Variants in SLC6A5 observed in about 807,000 individuals in gnomAD.
SLC6A5 encodes the protein solute carrier family 6 member 5.
SLC6A5 carries 58 observed loss-of-function variants against 90.5 expected under a neutral mutation model. That is an observed-to-expected ratio of 0.64 (90% CI 0.52 to 0.80). The LOEUF (loss-of-function observed/expected upper bound fraction) is 0.80, where lower values mean the gene tolerates loss of function less well. Among genes scored for constraint, SLC6A5 ranks in the 30% least tolerant of loss-of-function variants. The pLI is 0.00. For missense variants in SLC6A5, 1,015 were observed against 1,017.6 expected, an observed-to-expected ratio of 1.00 and a Z score of 0.03; for synonymous variants, 427 against 401.4, an observed-to-expected ratio of 1.06 and a Z score of -0.76.
At chr11:20,614,917 G>A (rs898075980) in intron 6 of SLC6A5, 97 bp downstream of exon 6, 6 of 1,197,872 alleles carry the variant, frequency 5.0e-6, no homozygotes, top group Non-Finnish European at 7.5e-6. Flanking sequence ...GTAGCCCAAG[G>A]GATGAGATCA....
intron 7 of SLC6A5, among the ~76,000 whole-genome samples, chr11:20,621,186 A>G (rs929299929): frequency 1.3e-5 from 2 of 152,220 alleles, no homozygotes; most frequent in African/African-American, 2.4e-5. Flanking sequence ...TTGTGGAGTC[A>G]TCATTTTCAT....
intron 9 of SLC6A5, among the ~76,000 whole-genome samples, chr11:20,628,843 C>T (rs1251547248): frequency 6.6e-6 from 1 of 152,182 alleles, no homozygotes; most frequent in African/African-American, 2.4e-5. Flanking sequence ...TATCCTGGCC[C>T]ACACTATTAA....
chr11:20,641,886 T>C (rs1853321066), intron 13 of SLC6A5, among the ~76,000 whole-genome samples: 2 of 152,110 alleles, frequency 1.3e-5, no homozygotes, highest in African/African-American at 2.4e-5. Flanking sequence ...TCCCTGGCTG[T>C]GAGCCCTTTT....
Position 20,607,471 on chromosome 11 carries a change from T to G in SLC6A5, c.812-8T>G. 1 of 1,614,200 alleles carries G rather than the reference T, an allele frequency of 6.2e-7. No individual in the cohort carries two copies. The highest frequency in any genetic ancestry group is 1.3e-5 in the African/African-American group (1 of 75,056). On this transcript the variant is annotated splice_polypyrimidine_tract_variant and splice_region_variant and intron_variant, in intron 4 of 15. Transcript: ENST00000525748. The stretch of plus-strand genomic sequence containing the variant: ...TGGAATGAACCCCTGGAATTTTTGC[T>G]TCTGCAGGCTGTGGCATCGCGATGC...
rs559567286 is a variant in SLC6A5, at chr11:20,654,923, C to T, written c.*55C>T. ...TCCTGTTTTTCCTCTCTGCCTCCTCCTAATGTTTTCCATAGCTCTCCTCCC... is the reference window on the plus strand; with the variant it reads ...TCCTGTTTTTCCTCTCTGCCTCCTCTTAATGTTTTCCATAGCTCTCCTCCC... On this transcript the variant is annotated 3_prime_UTR_variant, in exon 16 of 16. Coordinates refer to ENST00000525748, the MANE Select transcript of SLC6A5 (RefSeq NM_004211.5). The T allele has an allele frequency of 1.5e-4, 226 of 1,552,566 alleles. No homozygotes were observed. Among genetic ancestry groups the T allele is most frequent in the South Asian group, 6.2e-4 (56 of 89,752 alleles).
intron 9 of SLC6A5, among the ~76,000 whole-genome samples, chr11:20,628,612 G>T (rs1293227015): frequency 6.6e-6 from 1 of 152,172 alleles, no homozygotes; most frequent in East Asian, 1.9e-4. Flanking sequence ...TATGAATTTG[G>T]TAGTGATAGG....
At position 20,604,558 on chromosome 11, in the gene SLC6A5, C is replaced by T; in HGVS notation, c.679+134C>T. On this transcript the variant is annotated intron_variant, in intron 3 of 15. Coordinates refer to ENST00000525748, the MANE Select transcript of SLC6A5 (RefSeq NM_004211.5). ...GCCTCCTTAGGCTCCAGCCCTACACCTCGTAGGCTTGAGTGCATAACCAGA... is the reference window on the plus strand; with the variant it reads ...GCCTCCTTAGGCTCCAGCCCTACACTTCGTAGGCTTGAGTGCATAACCAGA... 4.5e-6 allele frequency: 5 copies of T among 1,107,502 alleles called. 1 individual carries two copies. Among genetic ancestry groups the T allele is most frequent in the Non-Finnish European group, 5.2e-6 (4 of 771,274 alleles). 68.6% of individuals were successfully genotyped at this position (1,107,502 alleles called of 1,614,324 possible).
At chr11:20,643,411 A>G (rs756651207) in intron 13 of SLC6A5, among the ~76,000 whole-genome samples, 4 of 152,132 alleles carry the variant, frequency 2.6e-5, no homozygotes, top group Admixed American at 6.5e-5. Flanking sequence ...AACAAATCCA[A>G]AGATGATTGG....
intron 12 of SLC6A5, 98 bp downstream of exon 12, chr11:20,637,401 C>G: frequency 9.1e-7 from 1 of 1,097,734 alleles, no homozygotes; most frequent in Non-Finnish European, 1.4e-6. Flanking sequence ...ACCTTATAAT[C>G]AAAGGCAAAT....
chr11:20,600,126 A>G (rs1355521015), intron 1 of SLC6A5, among the ~76,000 whole-genome samples: 3 of 152,138 alleles, frequency 2.0e-5, no homozygotes, highest in Non-Finnish European at 4.4e-5. Flanking sequence ...CAGTGTAATA[A>G]TAATTATTGG....
At chr11:20,625,348 G>A (rs1230397735) in intron 7 of SLC6A5, among the ~76,000 whole-genome samples, 2 of 151,550 alleles carry the variant, frequency 1.3e-5, no homozygotes, top group South Asian at 2.1e-4. Flanking sequence ...TGCAACCTCC[G>A]CCTCCTGGGT....
chr11:20,650,635 A>G (rs35903152), intron 14 of SLC6A5, among the ~76,000 whole-genome samples: 3,053 of 142,880 alleles, frequency 0.021, 109 homozygotes, highest in African/African-American at 0.076. Flanking sequence ...ACGGCTCACC[A>G]CTTGGTGATG....
At chr11:20,645,942 T>G (rs187933795) in intron 13 of SLC6A5, among the ~76,000 whole-genome samples, 1 of 152,230 alleles carries the variant, frequency 6.6e-6, no homozygotes, top group East Asian at 1.9e-4. Flanking sequence ...GCCAGAATGA[T>G]GAGTTTTTAA....
chr11:20,658,664 C>T lies in SLC6A5; in HGVS notation c.*3796C>T, dbSNP rs1853665519. ...TGAAATGTGGTCTTTGCTCAGGTCACCTCTGAGCAGCCTGCAGCCAAAGAG... is the reference window on the plus strand; with the variant it reads ...TGAAATGTGGTCTTTGCTCAGGTCATCTCTGAGCAGCCTGCAGCCAAAGAG... On this transcript the variant is annotated 3_prime_UTR_variant, in exon 16 of 16. Transcript: ENST00000525748. 1 of 152,174 alleles carries T rather than the reference C, an allele frequency of 6.6e-6. No individual in the cohort carries two copies. Among genetic ancestry groups the T allele is most frequent in the South Asian group, 2.1e-4 (1 of 4,834 alleles). The allele number at this position is 152,174 out of a possible 1,614,324, so 9.4% of individuals were successfully genotyped here. A position where few individuals can be genotyped will look rare whatever the true frequency, so the allele number is the denominator to read the frequency against.
chr11:20,613,681 C>A (rs1749528077), intron 5 of SLC6A5, among the ~76,000 whole-genome samples: 6 of 22,982 alleles, frequency 2.6e-4, no homozygotes, highest in Non-Finnish European at 4.8e-4. Context: ...TTTTAAGAGA[C>A]AGGGTCTTGC....
In SLC6A5 at chr11:20,601,608, G is replaced by A; in HGVS notation, c.483G>A (p.Leu161=). ...ACATGAGCCAGAGCACCGTGGTGCT[G>A]GCCACGGATGGAATCACGTCCGTGC... ...WVNMSQSTVV[L]ATDGITSVLP... Residue 161 remains leucine (L), a synonymous_variant, in exon 2 of 16, where the codon CTG becomes CTA. Transcript: ENST00000525748. 1 of 1,614,114 alleles carries A rather than the reference G, an allele frequency of 6.2e-7. No individual in the cohort carries two copies. Among genetic ancestry groups the A allele is most frequent in the Non-Finnish European group, 8.5e-7 (1 of 1,179,972 alleles).
Position 20,630,812 on chromosome 11 carries a change from C to G in SLC6A5, c.1621C>G (p.Gln541Glu), listed in dbSNP as rs931802079. Residue 541 changes from glutamine (Q) to glutamate (E), a missense_variant, in exon 10 of 16, where the codon CAA becomes GAA. By Grantham distance (29) the Gln-to-Glu change is conservative. This residue lies in a region of SLC6A5 where 442 missense variants were observed against 494.3 expected (regional missense o/e 0.89). Transcript: ENST00000525748. ...RKVNIENVAD[Q>E]GPGIAFVVYP... Reference sequence around the variant, plus strand: ...AGTCAACATTGAGAATGTGGCAGACCAAGGTACAGGACAGTTGTTACCCTG... The same window carrying G: ...AGTCAACATTGAGAATGTGGCAGACGAAGGTACAGGACAGTTGTTACCCTG... 6.2e-7 allele frequency: 1 copy of G among 1,614,110 alleles called. No individual in the cohort carries two copies. Among genetic ancestry groups the G allele is most frequent in the Admixed American group, 1.7e-5 (1 of 60,026 alleles).
At chr11:20,632,772 A>G (rs1362625885) in intron 10 of SLC6A5, among the ~76,000 whole-genome samples, 2 of 152,176 alleles carry the variant, frequency 1.3e-5, no homozygotes, top group East Asian at 3.9e-4. Context: ...CCTGAGCCCC[A>G]CTTCCTCCTT....
At chr11:20,630,879 A>G in intron 10 of SLC6A5, 64 bp downstream of exon 10, 1 of 1,581,732 alleles carries the variant, frequency 6.3e-7, no homozygotes. Flanking sequence ...CAAGCTCCTA[A>G]TTTAGACTAT....
Sources: gnomAD v4.1 joint callset for allele counts (sites outside exome capture counted in the v4.1 genomes callset) on GRCh38, gnomAD v4.1.1 for gene constraint, gnomAD v4.1.1 regional missense constraint, MANE v1.5 for transcripts, NCBI Gene and HGNC (gene_info 2026-07-23, HGNC 2026-07-21) for gene names.